Variants in MITF observed in about 807,000 individuals in gnomAD.
The protein encoded by MITF is microphthalmia-associated transcription factor.
A neutral mutation model predicts 60.5 loss-of-function variants in MITF; 17 were observed. The ratio of observed to expected loss-of-function variants is 0.28; its 90% CI spans 0.19 to 0.42. The LOEUF (loss-of-function observed/expected upper bound fraction) is 0.42. Ranked by LOEUF, MITF falls within the 10% of genes least tolerant of loss-of-function variation. The pLI is 1.00. For synonymous variants in MITF, 260 were observed against 248.5 expected (o/e 1.05, Z -0.43); for missense variants, 622 against 683.5 (o/e 0.91, Z 1.00).
intron 2 of MITF, among the ~76,000 whole-genome samples, chr3:69,935,538 T>C (rs1186812667): frequency 6.6e-6 from 1 of 152,132 alleles, no homozygotes; most frequent in Non-Finnish European, 1.5e-5. Context: ...AAAATCTCTG[T>C]GAACCTCTGT....
At chr3:69,901,155 G>A (rs2064987659) in intron 2 of MITF, among the ~76,000 whole-genome samples, 1 of 137,808 alleles carries the variant, frequency 7.3e-6, no homozygotes, top group Non-Finnish European at 1.5e-5. Flanking sequence ...AGACCAGCTA[G>A]ATAAAAAGAA....
At chr3:69,806,052 G>A (rs567032119) in intron 1 of MITF, among the ~76,000 whole-genome samples, 16 of 151,794 alleles carry the variant, frequency 1.1e-4, no homozygotes, top group African/African-American at 2.9e-4. Context: ...TTTGCAAAGC[G>A]GATTTGGGGT....
intron 1 of MITF, among the ~76,000 whole-genome samples, chr3:69,766,447 G>A (rs2106820676): frequency 7.5e-6 from 1 of 133,096 alleles, no homozygotes; most frequent in East Asian, 2.2e-4. Context: ...GGCTGGTCTT[G>A]AACTCCTGAC....
Position 69,879,194 on chromosome 3 carries a change from A to G in MITF, c.165A>G (p.Ser55=), listed in dbSNP as rs768918100. Residue 55 remains serine, a synonymous_variant, in exon 2 of 10, where the codon TCA becomes TCG. Coordinates refer to ENST00000352241, the MANE Select transcript of MITF (RefSeq NM_001354604.2). ...KPPISSSSMT[S]RILLRQQLMR... is the part of the protein sequence containing the mutation. ...CGATAAGCTCCTCCAGTATGACATC[A>G]CGCATCTTGCTACGCCAGCAACTCA... is the stretch of plus-strand genomic sequence containing the variant. 3.7e-6 allele frequency: 6 copies of G among 1,614,224 alleles called. No individual in the cohort carries two copies. In the Admixed American group the frequency reaches 8.3e-5, roughly 22 times the overall value.
intron 2 of MITF, among the ~76,000 whole-genome samples, chr3:69,928,857 G>A (rs1325527990): frequency 6.6e-6 from 1 of 152,184 alleles, no homozygotes; most frequent in Non-Finnish European, 1.5e-5. Context: ...AGCTAGAGGT[G>A]AAAGCAAATC....
chr3:69,833,326 G>A (rs1401834091), intron 1 of MITF, among the ~76,000 whole-genome samples: 1 of 151,996 alleles, frequency 6.6e-6, no homozygotes, highest in Non-Finnish European at 1.5e-5. Context: ...ACTGTATGTG[G>A]TTGTTTCCCT....
chr3:69,828,863 G>A (rs192115403), intron 1 of MITF, among the ~76,000 whole-genome samples: 1 of 141,998 alleles, frequency 7.0e-6, no homozygotes, highest in Non-Finnish European at 1.6e-5. Context: ...AAATTTAATA[G>A]GAAGCAGAGC....
chr3:69,762,424 C>G (rs1197459206), intron 1 of MITF, among the ~76,000 whole-genome samples: 2 of 152,092 alleles, frequency 1.3e-5, no homozygotes, highest in Non-Finnish European at 2.9e-5. Context: ...TGATTCTAAC[C>G]CTGATTCATT....
At chr3:69,901,064 T>A (rs969920356) in intron 2 of MITF, among the ~76,000 whole-genome samples, 1 of 152,022 alleles carries the variant, frequency 6.6e-6, no homozygotes, top group Non-Finnish European at 1.5e-5. Flanking sequence ...AATTGAGCAG[T>A]TTGGAGGAAG....
chr3:69,866,291 A>G (rs755630098), intron 1 of MITF: 1 of 1,613,726 alleles, frequency 6.2e-7, no homozygotes, highest in Non-Finnish European at 8.5e-7. Flanking sequence ...AGGAAAAAAG[A>G]TGGAGGCGCT....
At chr3:69,824,808 G>A (rs1303181931) in intron 1 of MITF, among the ~76,000 whole-genome samples, 1 of 152,176 alleles carries the variant, frequency 6.6e-6, no homozygotes, top group African/African-American at 2.4e-5. Flanking sequence ...GTAGCAGGGT[G>A]CCTCTGGTGG....
intron 1 of MITF, among the ~76,000 whole-genome samples, chr3:69,821,458 A>G (rs1244073213): frequency 1.3e-5 from 2 of 152,088 alleles, no homozygotes; most frequent in African/African-American, 2.4e-5. Flanking sequence ...GGTAGGATGT[A>G]TGGAAAACAA....
chr3:69,826,791 A>C (rs2063362166), intron 1 of MITF, among the ~76,000 whole-genome samples: 2 of 152,094 alleles, frequency 1.3e-5, no homozygotes, highest in Admixed American at 1.3e-4. Context: ...TTTTTAAATT[A>C]AAGTTTTATA....
intron 2 of MITF, among the ~76,000 whole-genome samples, chr3:69,903,843 C>T (rs2065043156): frequency 6.6e-6 from 1 of 152,140 alleles, no homozygotes; most frequent in East Asian, 1.9e-4. Flanking sequence ...TGGGTTCTGA[C>T]TCTGCTGCTC....
chr3:69,959,720 A>G (rs112696028), intron 9 of MITF, among the ~76,000 whole-genome samples: 3 of 152,146 alleles, frequency 2.0e-5, no homozygotes, highest in Non-Finnish European at 4.4e-5. Flanking sequence ...GTCTTGTTTC[A>G]GCTCTCATCC....
intron 8 of MITF, 86 bp from the exon 9 acceptor site, chr3:69,959,187 C>G (rs1375757210): frequency 6.7e-7 from 1 of 1,499,202 alleles, no homozygotes; most frequent in African/African-American, 1.4e-5. Flanking sequence ...TTAAAAAGTT[C>G]AAAAAGAAAT....
At chr3:69,786,247 C>A (rs1003434986) in intron 1 of MITF, among the ~76,000 whole-genome samples, 2 of 152,138 alleles carry the variant, frequency 1.3e-5, no homozygotes, top group African/African-American at 4.8e-5. Flanking sequence ...CCACAATTTA[C>A]CTGATGTTTT....
chr3:69,966,945 T>C lies in MITF; in HGVS notation c.*1697T>C, dbSNP rs971321971. ...AGACGAACATGTAGCATGGTGCCTA[T>C]GTAGACAATATAAGAGCTTCCAATT... is the stretch of plus-strand genomic sequence containing the variant. On this transcript the variant is annotated 3_prime_UTR_variant, in exon 10 of 10. Transcript: ENST00000352241. 4.3e-6 allele frequency: 1 copy of C among 232,702 alleles called. No homozygotes were observed. The highest frequency in any genetic ancestry group is 2.2e-5 in the African/African-American group (1 of 45,438). 14.4% of individuals were successfully genotyped at this position (232,702 alleles called of 1,614,324 possible).
chr3:69,865,867 A>G (rs2064103907), intron 1 of MITF, among the ~76,000 whole-genome samples: 1 of 152,180 alleles, frequency 6.6e-6, no homozygotes, highest in South Asian at 2.1e-4. Flanking sequence ...CCTCCCTCCT[A>G]GATTCTGTGA....
Sources: gnomAD v4.1 joint callset for allele counts (sites outside exome capture counted in the v4.1 genomes callset) on GRCh38, gnomAD v4.1.1 for gene constraint, MANE v1.5 for transcripts, NCBI Gene and HGNC (gene_info 2026-07-23, HGNC 2026-07-21) for gene names.